Variants in PIDD1 observed in about 807,000 individuals in gnomAD.
PIDD1 encodes the protein p53-induced death domain protein 1.
Under a neutral mutation model 80.0 loss-of-function variants are expected in PIDD1, and 72 were observed. The ratio of observed to expected loss-of-function variants is 0.90; its 90% CI spans 0.74 to 1.09. The LOEUF (loss-of-function observed/expected upper bound fraction) is 1.09. Among genes scored for constraint, PIDD1 ranks in the 50% least tolerant of loss-of-function variants. PIDD1 has a pLI of 0.00. For missense variants in PIDD1, 1,329 were observed against 1,228.3 expected, an observed-to-expected ratio of 1.08 and a Z score of -1.23; for synonymous variants, 655 against 543.5, an observed-to-expected ratio of 1.21 and a Z score of -2.85.
At position 799,533 on chromosome 11, in the gene PIDD1, A is replaced by G. The variant is rs752631554; in HGVS notation, c.2507T>C (p.Leu836Pro). Residue 836 changes from leucine to proline, a missense_variant, in exon 16 of 16, where the codon CTC becomes CCC. Physicochemically the swap from Leu to Pro is moderately conservative, Grantham distance 98 (BLOSUM62 -3). Transcript: ENST00000347755. The part of the protein sequence containing the change: ...DDLDEQIRHM[L>P]FSWAERQAGQ... ...AGCCTGGCGCTCAGCCCAGGAGAAG[A>G]GCATGTGACGGATCTGCTCATCCAG... The G allele has an allele frequency of 6.2e-7, 1 of 1,603,704 alleles. No individual in the cohort carries two copies. The highest frequency in any genetic ancestry group is 8.5e-7 in the Non-Finnish European group (1 of 1,179,382).
At chr11:802,433 G>T in intron 5 of PIDD1, 37 bp from the exon 6 acceptor site, 3 of 1,598,116 alleles carry the variant, frequency 1.9e-6, no homozygotes, top group Non-Finnish European at 2.6e-6. Flanking sequence ...GTTAGACCCA[G>T]AAGGGCCTAC....
Position 802,071 on chromosome 11 carries a change from A to T in PIDD1, c.1196T>A (p.Leu399His), listed in dbSNP as rs1346572359. ...GCGCCGGGCCTGCGGTGGGGTGAAG[A>T]GCAGCCACAGCCCCACATCCTGCCA... is the stretch of plus-strand genomic sequence containing the variant. ...AFQQDVGLWLLFTPPQARRCR... is the reference protein window; with the variant it reads ...AFQQDVGLWLHFTPPQARRCR... The change falls in exon 7 of 16, where the codon CTC becomes CAC. Residue 399 changes from leucine to histidine, a missense_variant. By Grantham distance (99) the Leu-to-His change is moderately conservative. Coordinates refer to ENST00000347755, the MANE Select transcript of PIDD1 (RefSeq NM_145886.4). 1 of 1,579,606 alleles carries T rather than the reference A, an allele frequency of 6.3e-7. No homozygotes were observed. Among genetic ancestry groups the T allele is most frequent in the South Asian group, 1.2e-5 (1 of 86,886 alleles).
chr11:800,749 C>A lies in PIDD1; in HGVS notation c.1917+13G>T. The A allele has an allele frequency of 6.5e-7, 1 of 1,545,518 alleles. No individual in the cohort carries two copies. The highest frequency in any genetic ancestry group is 8.7e-7 in the Non-Finnish European group (1 of 1,146,804). On this transcript the variant is annotated intron_variant, in intron 11 of 15. Coordinates refer to ENST00000347755, the MANE Select transcript of PIDD1 (RefSeq NM_145886.4). ...TGGTCACCACCCTGCTGCCCTCCGG[C>A]CCGTGCCCCCACCTTGTTTCGGGGC...
chr11:799,545 A>C lies in PIDD1; in HGVS notation c.2495T>G (p.Ile832Ser). The C allele has an allele frequency of 6.2e-7, 1 of 1,601,506 alleles. No homozygotes were observed. The change falls in exon 16 of 16, where the codon ATC becomes AGC. Residue 832 changes from isoleucine to serine, a missense_variant. Ile to Ser is a moderately radical substitution (Grantham distance 142). Coordinates refer to ENST00000347755, the MANE Select transcript of PIDD1 (RefSeq NM_145886.4). The stretch of plus-strand genomic sequence containing the variant: ...AGCCCAGGAGAAGAGCATGTGACGG[A>C]TCTGCTCATCCAGATCATCCCTGCA... ...HEFRDDLDEQ[I>S]RHMLFSWAER...
Position 801,256 on chromosome 11 carries a change from G to C in PIDD1, c.1592C>G (p.Pro531Arg). Residue 531 changes from proline to arginine, a missense_variant, in exon 9 of 16, where the codon CCG (proline) becomes CGG (arginine). Physicochemically the swap from Pro to Arg is moderately radical, Grantham distance 103. Transcript: ENST00000347755. ...SQSGPPSFLQPVTVQLPLPSG... is the reference protein window; with the variant it reads ...SQSGPPSFLQRVTVQLPLPSG... Reference sequence around the variant, plus strand: ...GGGCAGAGGCAGCTGCACGGTGACCGGTTGGAGGAAGCTGGGGGGACCGCT... The same window carrying C: ...GGGCAGAGGCAGCTGCACGGTGACCCGTTGGAGGAAGCTGGGGGGACCGCT... 6.4e-7 allele frequency: 1 copy of C among 1,572,076 alleles called. No individual in the cohort carries two copies. Among genetic ancestry groups the C allele is most frequent in the Non-Finnish European group, 8.6e-7 (1 of 1,156,706 alleles).
At position 804,307 on chromosome 11, in the gene PIDD1, T is replaced by C; in HGVS notation, c.82A>G (p.Arg28Gly). Residue 28 changes from arginine to glycine, a missense_variant, in exon 2 of 16, where the codon AGG becomes GGG. Physicochemically the swap from Arg to Gly is moderately radical, Grantham distance 125. Coordinates refer to ENST00000347755, the MANE Select transcript of PIDD1 (RefSeq NM_145886.4). Reference protein sequence around the residue: ...DASEDSDAGSRALPFLGGNRL... With the variant: ...DASEDSDAGSGALPFLGGNRL... ...TTGCCGCCCAGGAAAGGCAGCGCCC[T>C]GGACCCTGCGTCCGAATCCTCTGAA... The C allele has an allele frequency of 6.2e-7, 1 of 1,612,742 alleles. No individual in the cohort carries two copies. The highest frequency in any genetic ancestry group is 8.5e-7 in the Non-Finnish European group (1 of 1,179,884).
In PIDD1 at chr11:799,822, C is replaced by A; in HGVS notation, c.2467G>T (p.Glu823Ter). Residue 823 changes from glutamate (E) to a stop codon, truncating the protein, a stop_gained, in exon 15 of 16, where the codon GAG becomes TAG. Coordinates refer to ENST00000347755, the MANE Select transcript of PIDD1 (RefSeq NM_145886.4). LOFTEE classifies it low-confidence loss of function (END_TRUNC). Reference protein sequence around the residue: ...SYREVQRIRHEFRDDLDEQIR... With the variant: ...SYREVQRIRH ...GGGCAGTGGGAGCCTCACCGGAACTCGTGCCGGATGCGCTGCACCTCCCGG... is the reference window on the plus strand; with the variant it reads ...GGGCAGTGGGAGCCTCACCGGAACTAGTGCCGGATGCGCTGCACCTCCCGG... The A allele has an allele frequency of 6.3e-7, 1 of 1,580,678 alleles. No homozygotes were observed. Among genetic ancestry groups the A allele is most frequent in the South Asian group, 1.1e-5 (1 of 88,110 alleles).
In PIDD1 at chr11:801,264, G is replaced by A. The variant is rs1223345702; in HGVS notation, c.1584C>T (p.Phe528=). The change falls in exon 9 of 16, where the codon TTC becomes TTT. Residue 528 remains phenylalanine (F), a synonymous_variant. Coordinates refer to ENST00000347755, the MANE Select transcript of PIDD1 (RefSeq NM_145886.4). ...LCLSQSGPPS[F]LQPVTVQLPL... ...GCAGCTGCACGGTGACCGGTTGGAG[G>A]AAGCTGGGGGGACCGCTCTGTGACA... The A allele has an allele frequency of 6.4e-7, 1 of 1,573,308 alleles. No individual in the cohort carries two copies. Among genetic ancestry groups the A allele is most frequent in the Non-Finnish European group, 8.6e-7 (1 of 1,158,384 alleles).
chr11:803,458 G>A lies in PIDD1; in HGVS notation c.425C>T (p.Ala142Val). Residue 142 changes from alanine to valine, a missense_variant, in exon 3 of 16, where the codon GCC becomes GTC. Transcript: ENST00000347755. The part of the protein sequence containing the change: ...LSFNSLETLP[A>V]CVLQMRGLGA... ...CAGACCTCGCATCTGCAGGACACAGGCCGGCAGTGTCTCCAGGCTGTTGAA... is the reference window on the plus strand; with the variant it reads ...CAGACCTCGCATCTGCAGGACACAGACCGGCAGTGTCTCCAGGCTGTTGAA... The A allele has an allele frequency of 1.9e-6, 3 of 1,613,838 alleles. No individual in the cohort carries two copies. The highest frequency in any genetic ancestry group is 2.5e-6 in the Non-Finnish European group (3 of 1,180,000).
chr11:808,311 C>T (rs1485214774), upstream of PIDD1, among the ~76,000 whole-genome samples: 2 of 151,934 alleles, frequency 1.3e-5, no homozygotes, highest in Non-Finnish European at 2.9e-5. Context: ...CCTGTAATCC[C>T]AGCTACTCAG....
In PIDD1 at chr11:800,208, G is replaced by A. The variant is rs1447306558; in HGVS notation, c.2197C>T (p.Pro733Ser). 2.5e-6 allele frequency: 4 copies of A among 1,610,440 alleles called. No homozygotes were observed. Among genetic ancestry groups the A allele is most frequent in the East Asian group, 4.5e-5 (2 of 44,834 alleles). Reference sequence around the variant, plus strand: ...TGCCGGGCAGCCTCAGCCTCCTCGGGCACCCGCACAGGCACCGCGCCACGG... The same window carrying A: ...TGCCGGGCAGCCTCAGCCTCCTCGGACACCCGCACAGGCACCGCGCCACGG... ...FYRGAVPVRV[P>S]EEAEAARQRK... Residue 733 changes from proline to serine, a missense_variant, in exon 14 of 16, where the codon CCC becomes TCC. Physicochemically the swap from Pro to Ser is moderately conservative, Grantham distance 74. Transcript: ENST00000347755.
Position 799,916 on chromosome 11 carries a change from G to T in PIDD1, c.2373C>A (p.Asn791Lys). 1 of 1,612,708 alleles carries T rather than the reference G, an allele frequency of 6.2e-7. No homozygotes were observed. The highest frequency in any genetic ancestry group is 8.5e-7 in the Non-Finnish European group (1 of 1,179,932). Residue 791 changes from asparagine to lysine, a missense_variant, in exon 15 of 16, where the codon AAC becomes AAA. Transcript: ENST00000347755. Reference sequence around the variant, plus strand: ...CCAGACGCCCAGCCACACTCAGCAGGTTGCTCTGCGTCAGAAAGCCGGTCT... The same window carrying T: ...CCAGACGCCCAGCCACACTCAGCAGTTTGCTCTGCGTCAGAAAGCCGGTCT... ...DAETGFLTQS[N>K]LLSVAGRLGL...
chr11:803,286 G>C lies in PIDD1; in HGVS notation c.597C>G (p.Leu199=), dbSNP rs35224400. The C allele has an allele frequency of 6.2e-7, 1 of 1,613,844 alleles. No homozygotes were observed. Among genetic ancestry groups the C allele is most frequent in the South Asian group, 1.1e-5 (1 of 91,078 alleles). ...TGTCCAGCAGATTCTGAGAGAGATC[G>C]AGGCGCTGCAGGGTGGATAGGGCCC... ...ALGALSTLQR[L]DLSQNLLDTL... The change falls in exon 3 of 16, where the codon CTC becomes CTG. Residue 199 remains leucine (L), a synonymous_variant. Transcript: ENST00000347755.
chr11:802,545 G>C lies in PIDD1; in HGVS notation c.972C>G (p.Asp324Glu). 6.2e-7 allele frequency: 1 copy of C among 1,613,294 alleles called. No individual in the cohort carries two copies. Among genetic ancestry groups the C allele is most frequent in the Non-Finnish European group, 8.5e-7 (1 of 1,179,700 alleles). Residue 324 changes from aspartate (D) to glutamate (E), a missense_variant and splice_region_variant, in exon 5 of 16, where the codon GAC becomes GAG. Coordinates refer to ENST00000347755, the MANE Select transcript of PIDD1 (RefSeq NM_145886.4). ...MPRLFLTSDLDSFPVTPQGCS... is the reference protein window; with the variant it reads ...MPRLFLTSDLESFPVTPQGCS... ...AGCCCCCTCAACCCACCCCATACCT[G>C]TCCAAATCTGAGGTCAGGAACAGTC...
chr11:801,975 T>A lies in PIDD1; in HGVS notation c.1292A>T (p.Glu431Val). 1 of 1,602,078 alleles carries A rather than the reference T, an allele frequency of 6.2e-7. No homozygotes were observed. Among genetic ancestry groups the A allele is most frequent in the Admixed American group, 1.7e-5 (1 of 58,798 alleles). ...WGDLETYLEE[E>V]APQRLWAHCQ... ...CTGGGTGGCCCTCACCTGGGGTGCC[T>A]CTTCCTCCAGGTAGGTCTCCAGGTC... Residue 431 changes from glutamate to valine, a missense_variant, in exon 7 of 16, where the codon GAG becomes GTG. Coordinates refer to ENST00000347755, the MANE Select transcript of PIDD1 (RefSeq NM_145886.4).
rs1865648122 is a variant in PIDD1 at position 804,568 on chromosome 11, G to A, written c.-75-105C>T. ...GGGAGCTCTAGAGCCAGGCCATCTGGGCCTGGGCTGCAGAGTGGGGGAGAC... is the reference window on the plus strand; with the variant it reads ...GGGAGCTCTAGAGCCAGGCCATCTGAGCCTGGGCTGCAGAGTGGGGGAGAC... On this transcript the variant is annotated intron_variant, in intron 1 of 15. Coordinates refer to ENST00000347755, the MANE Select transcript of PIDD1 (RefSeq NM_145886.4). 3.3e-6 allele frequency: 4 copies of A among 1,208,942 alleles called. No individual in the cohort carries two copies. In the South Asian group the frequency reaches 6.9e-5, roughly 21 times the overall value. The allele number at this position is 1,208,942 out of a possible 1,614,324, so 74.9% of individuals were successfully genotyped here. A position where few individuals can be genotyped will look rare whatever the true frequency, so the allele number is the denominator to read the frequency against.
upstream of PIDD1, chr11:805,764 G>T: frequency 1.2e-6 from 1 of 808,566 alleles, no homozygotes; most frequent in Non-Finnish European, 1.5e-6. Flanking sequence ...GAGCCTCCTG[G>T]CACTGTCTCC....
rs753792139 is a variant in PIDD1 at position 803,314 on chromosome 11, A to C, written c.569T>G (p.Leu190Arg). ...GCGCTGCAGGGTGGATAGGGCCCCC[A>C]GTGCTGGGGGCAGCGTCTGCAGGCG... is the stretch of plus-strand genomic sequence containing the variant. ...HNRLQTLPPA[L>R]GALSTLQRLD... The change falls in exon 3 of 16, where the codon CTG becomes CGG. Residue 190 changes from leucine to arginine, a missense_variant. Transcript: ENST00000347755. 6.2e-7 allele frequency: 1 copy of C among 1,613,904 alleles called. No individual in the cohort carries two copies. The highest frequency in any genetic ancestry group is 1.7e-5 in the Admixed American group (1 of 60,024).
Position 804,286 on chromosome 11 carries a change from C to T in PIDD1, c.103G>A (p.Gly35Ser), listed in dbSNP as rs141162946. ...AGSRALPFLG[G>S]NRLSLDLYPG... ...TACAGGTCCAAGCTCAGCCGGTTGC[C>T]GCCCAGGAAAGGCAGCGCCCTGGAC... Residue 35 changes from glycine (G) to serine (S), a missense_variant, in exon 2 of 16, where the codon GGC becomes AGC. Transcript: ENST00000347755. 15 of 1,612,792 alleles carry T rather than the reference C, an allele frequency of 9.3e-6. No homozygotes were observed. The highest frequency in any genetic ancestry group is 1.6e-4 in the Middle Eastern group (1 of 6,084).
Sources: allele counts gnomAD v4.1 joint callset (sites outside exome capture counted in the v4.1 genomes callset), GRCh38; gene constraint gnomAD v4.1.1; transcripts MANE v1.5; gene names NCBI Gene and HGNC (gene_info 2026-07-23, HGNC 2026-07-21).